Variants in DGKH observed in about 807,000 individuals in gnomAD.
DGKH encodes DAG kinase eta.
A neutral mutation model predicts 159.3 loss-of-function variants in DGKH; 90 were observed. The ratio of observed to expected loss-of-function variants is 0.57; its 90% CI spans 0.48 to 0.67. The LOEUF (loss-of-function observed/expected upper bound fraction) is 0.67, where lower values mean the gene tolerates loss of function less well. Ranked by LOEUF, DGKH falls within the 30% of genes least tolerant of loss-of-function variation. DGKH has a pLI of 0.00. For missense variants in DGKH, 1,181 were observed against 1,506.1 expected (o/e 0.78, Z 3.57); for synonymous variants, 536 against 553.8 (o/e 0.97, Z 0.45).
chr13:42,114,304 T>C (rs550901776), intron 1 of DGKH, among the ~76,000 whole-genome samples: 2 of 152,338 alleles, frequency 1.3e-5, no homozygotes, highest in East Asian at 3.9e-4. Context: ...GCTGGGTTCC[T>C]GCCAAGGGTC....
At chr13:42,053,853 C>T (rs572493272) in intron 1 of DGKH, among the ~76,000 whole-genome samples, 9 of 152,168 alleles carry the variant, frequency 5.9e-5, no homozygotes, top group African/African-American at 2.2e-4. Context: ...ATCTCTTGAC[C>T]TTGTGATCCA....
intron 3 of DGKH, among the ~76,000 whole-genome samples, chr13:42,130,162 C>T (rs1955259172): frequency 6.6e-6 from 1 of 152,188 alleles, no homozygotes; most frequent in African/African-American, 2.4e-5. Context: ...ATGGCATCCC[C>T]CAACTCAGTC....
chr13:42,188,963 A>T (rs1375331921), intron 14 of DGKH, 73 bp from the exon 15 acceptor site: 42 of 1,517,748 alleles, frequency 2.8e-5, no homozygotes, highest in Non-Finnish European at 3.5e-5. Flanking sequence ...ATCTCTATAA[A>T]AATTTCTTGT....
rs1157416084 is a variant in DGKH, at chr13:42,069,698, A to G, written c.192+20733A>G. On this transcript the variant is annotated intron_variant, in intron 1 of 29. Coordinates refer to ENST00000337343, the MANE Select transcript of DGKH (RefSeq NM_178009.5). ...GTAATAAGCTTGGGTTCATAGTAAC[A>G]GTTAACTTCATTCTCTCTCCAAACT... 2.0e-5 allele frequency: 23 copies of G among 1,152,928 alleles called. No individual in the cohort carries two copies. The East Asian group carries it at 2.8e-4, about 14-fold the overall frequency. The allele number at this position is 1,152,928 out of a possible 1,614,324, so 71.4% of individuals were successfully genotyped here. A position where few individuals can be genotyped will look rare whatever the true frequency, so the allele number is the denominator to read the frequency against.
chr13:42,129,727 T>C (rs1329641031), intron 3 of DGKH, 95 bp downstream of exon 3: 1 of 1,145,254 alleles, frequency 8.7e-7, no homozygotes, highest in Non-Finnish European at 1.3e-6. Flanking sequence ...AAACTGTTGC[T>C]AACTTATGCA....
intron 3 of DGKH, among the ~76,000 whole-genome samples, chr13:42,150,655 C>G (rs1261087923): frequency 6.6e-6 from 1 of 151,948 alleles, no homozygotes; most frequent in Admixed American, 6.6e-5. Flanking sequence ...TTGTTTGTAA[C>G]CATAGATATT....
chr13:42,173,929 C>G (rs533036465), intron 11 of DGKH, 131 bp from the exon 12 acceptor site: 128 of 491,778 alleles, frequency 2.6e-4, no homozygotes, highest in Admixed American at 2.3e-3. Context: ...TAAAATAAAC[C>G]ATAGTTCATG....
intron 26 of DGKH, among the ~76,000 whole-genome samples, chr13:42,218,743 A>G (rs1010791519): frequency 6.6e-6 from 1 of 152,000 alleles, no homozygotes; most frequent in Non-Finnish European, 1.5e-5. Flanking sequence ...TCCTGACCTC[A>G]AATGATCCGC....
chr13:42,226,814 G>A (rs1019418405), intron 29 of DGKH, among the ~76,000 whole-genome samples: 3 of 149,978 alleles, frequency 2.0e-5, no homozygotes, highest in African/African-American at 7.4e-5. Context: ...CCGAGATCAC[G>A]CCATTGCACT....
chr13:42,171,799 G>A (rs1956461480), intron 11 of DGKH, among the ~76,000 whole-genome samples: 1 of 150,616 alleles, frequency 6.6e-6, no homozygotes, highest in South Asian at 2.1e-4. Flanking sequence ...ATGGATAAAT[G>A]ATGGCTTTTG....
At position 42,208,942 on chromosome 13, in the gene DGKH, T is replaced by C. The variant is rs1957571684; in HGVS notation, c.2602-17T>C. On this transcript the variant is annotated splice_polypyrimidine_tract_variant and intron_variant, in intron 21 of 29. Transcript: ENST00000337343. ...ACCTAAACATTCAGTAGAAGTGTAA[T>C]GTAGTTTTTCTTTCAGATATTTGCT... The C allele has an allele frequency of 6.3e-7, 1 of 1,589,920 alleles. No individual in the cohort carries two copies. The highest frequency in any genetic ancestry group is 8.6e-7 in the Non-Finnish European group (1 of 1,164,486).
chr13:42,146,150 C>T (rs369210254), intron 3 of DGKH, among the ~76,000 whole-genome samples: 223 of 110,168 alleles, frequency 2.0e-3, no homozygotes, highest in Middle Eastern at 0.011. Context: ...TCTGGGGAGG[C>T]TTTTTTTTTT....
intron 30 of DGKH, chr13:42,256,193 G>C: frequency 8.0e-7 from 1 of 1,249,842 alleles, no homozygotes; most frequent in Non-Finnish European, 1.2e-6. Flanking sequence ...AACAGTTGGA[G>C]GCAGCAGTGG....
intron 17 of DGKH, among the ~76,000 whole-genome samples, chr13:42,197,564 C>T (rs1234357095): frequency 6.6e-6 from 1 of 152,074 alleles, no homozygotes; most frequent in Non-Finnish European, 1.5e-5. Flanking sequence ...AAAGGAATTG[C>T]TGGGCATGGT....
chr13:42,090,904 T>G (rs1665667713), intron 1 of DGKH, among the ~76,000 whole-genome samples: 1 of 152,134 alleles, frequency 6.6e-6, no homozygotes, highest in African/African-American at 2.4e-5. Context: ...TCTGCTCTTC[T>G]GCCGGTGAGG....
chr13:42,177,275 A>G (rs73187298), intron 12 of DGKH, among the ~76,000 whole-genome samples: 8 of 152,290 alleles, frequency 5.3e-5, no homozygotes, highest in Non-Finnish European at 1.2e-4. Flanking sequence ...ATAAAATAGA[A>G]TCATTTTGTA....
At chr13:42,119,996 CA>C (rs1276584090) in intron 1 of DGKH, among the ~76,000 whole-genome samples, 2 of 152,052 alleles carry the variant, frequency 1.3e-5, no homozygotes, top group Non-Finnish European at 2.9e-5. Context: ...ATATTTTCCC[CA>C]TATTATCTTT....
chr13:42,139,683 A>T (rs1416253824), intron 3 of DGKH, among the ~76,000 whole-genome samples: 1 of 152,220 alleles, frequency 6.6e-6, no homozygotes, highest in African/African-American at 2.4e-5. Context: ...GAATTCATTC[A>T]TTCATTTATT....
At chr13:42,178,031 T>C in intron 12 of DGKH, 104 bp from the exon 13 acceptor site, 2 of 642,896 alleles carry the variant, frequency 3.1e-6, no homozygotes, top group Non-Finnish European at 4.9e-6. Flanking sequence ...AGTGATTGCC[T>C]TGCCTAAACA....
Sources: allele counts gnomAD v4.1 joint callset (sites outside exome capture counted in the v4.1 genomes callset), GRCh38; gene constraint gnomAD v4.1.1; transcripts MANE v1.5; gene names NCBI Gene and HGNC (gene_info 2026-07-23, HGNC 2026-07-21).